PAFAH1B2: variants seen among roughly 807,000 people sequenced by gnomAD.
The protein encoded by PAFAH1B2 is platelet-activating factor acetylhydrolase IB subunit alpha2.
In PAFAH1B2, 8 loss-of-function variants were observed where a neutral mutation model predicts 28.0. The observed-to-expected ratio is 0.29, with a 90% confidence interval of 0.17 to 0.52. The LOEUF is 0.52. PAFAH1B2 is among the 20% of genes least tolerant of loss of function. The probability of loss-of-function intolerance (pLI) is 0.97; values close to 1 mark genes in which losing one functional copy is unlikely to be tolerated. For missense variants in PAFAH1B2, 190 were observed against 282.6 expected, an observed-to-expected ratio of 0.67 and a Z score of 2.35; for synonymous variants, 104 against 103.2, an observed-to-expected ratio of 1.01 and a Z score of -0.05.
At chr11:117,176,082 A>T in exon 6 of PAFAH1B2, 1 of 704,204 alleles carries the variant, frequency 1.4e-6, no homozygotes. Flanking sequence ...TGTGCTGGAA[A>T]CAGTACTGGA....
chr11:117,156,398 T>G (rs1956255740), intron 2 of PAFAH1B2, among the ~76,000 whole-genome samples: 1 of 152,180 alleles, frequency 6.6e-6, no homozygotes, highest in South Asian at 2.1e-4. Flanking sequence ...TGTACTTTCT[T>G]AAGATCACTG....
intron 2 of PAFAH1B2, among the ~76,000 whole-genome samples, 184 bp downstream of exon 2, chr11:117,152,712 C>T (rs1345403802): frequency 6.6e-6 from 1 of 152,184 alleles, no homozygotes; most frequent in Non-Finnish European, 1.5e-5. Flanking sequence ...ATCAGTATGC[C>T]TGGCTTCTTC....
chr11:117,154,918 C>G (rs557619635), intron 2 of PAFAH1B2, among the ~76,000 whole-genome samples: 35 of 152,256 alleles, frequency 2.3e-4, no homozygotes, highest in African/African-American at 8.4e-4. Flanking sequence ...GGTTTATTCT[C>G]TCTGAATGGA....
In PAFAH1B2 at chr11:117,169,541, C is replaced by A. The variant is rs866507992; in HGVS notation, c.*1842C>A. ...GACCGATTTCTGATTGAGGGATGAACCTTGGGCTCATTTTTTTCTTGTGAA... is the reference window on the plus strand; with the variant it reads ...GACCGATTTCTGATTGAGGGATGAAACTTGGGCTCATTTTTTTCTTGTGAA... On this transcript the variant is annotated 3_prime_UTR_variant, in exon 6 of 6. Coordinates refer to ENST00000527958, the MANE Select transcript of PAFAH1B2 (RefSeq NM_002572.4). 2 of 1,055,582 alleles carry A rather than the reference C, an allele frequency of 1.9e-6. No homozygotes were observed. Among genetic ancestry groups the A allele is most frequent in the Non-Finnish European group, 2.3e-6 (2 of 873,308 alleles). The allele number at this position is 1,055,582 out of a possible 1,614,324, so 65.4% of individuals were successfully genotyped here.
chr11:117,168,455 T>TTTTTTTTTTTTTTTTTTG lies in PAFAH1B2; in HGVS notation c.*772_*773insTGTTTTTTTTTTTTTTTT. Reference sequence around the variant, plus strand: ...TTCCCCCCGCCACCCCGTTTTTTTTTTTTTTTTTTTTTTTTTGGTTCTTGT... The same window carrying TTTTTTTTTTTTTTTTTTG: ...TTCCCCCCGCCACCCCGTTTTTTTTTTTTTTTTTTTTTTTTTTGTTTTTTTTTTTTTTTTGGTTCTTGT... On this transcript the variant is annotated 3_prime_UTR_variant, in exon 6 of 6. Coordinates refer to ENST00000527958, the MANE Select transcript of PAFAH1B2 (RefSeq NM_002572.4). The TTTTTTTTTTTTTTTTTTG allele has an allele frequency of 1.1e-6, 1 of 887,470 alleles. No homozygotes were observed. The highest frequency in any genetic ancestry group is 2.2e-5 in the African/African-American group (1 of 46,010). The allele number at this position is 887,470 out of a possible 1,614,324, so 55.0% of individuals were successfully genotyped here.
intron 3 of PAFAH1B2, among the ~76,000 whole-genome samples, chr11:117,160,347 T>A (rs892474803): frequency 6.6e-6 from 1 of 152,240 alleles, no homozygotes; most frequent in Non-Finnish European, 1.5e-5. Context: ...TTGTATTTGC[T>A]AATAACATTT....
In PAFAH1B2 at chr11:117,169,079, C is replaced by G. The variant is rs553900163; in HGVS notation, c.*1380C>G. The G allele has an allele frequency of 2.7e-5, 27 of 1,004,514 alleles. No individual in the cohort carries two copies. In the African/African-American group the frequency reaches 3.6e-4, roughly 13 times the overall value. The allele number at this position is 1,004,514 out of a possible 1,614,324, so 62.2% of individuals were successfully genotyped here. On this transcript the variant is annotated 3_prime_UTR_variant, in exon 6 of 6. Coordinates refer to ENST00000527958, the MANE Select transcript of PAFAH1B2 (RefSeq NM_002572.4). ...GTGCTGGGATTACAGGCATGAGCCA[C>G]CGTGCCTGGCCTTATTGGCTTAGTT...
chr11:117,149,581 C>G (rs1956100614), intron 1 of PAFAH1B2, among the ~76,000 whole-genome samples: 1 of 151,068 alleles, frequency 6.6e-6, no homozygotes, highest in Admixed American at 6.6e-5. Flanking sequence ...TGCCCGCCAC[C>G]ACGCCCAGCT....
At chr11:117,172,416 TTTTTTTTTTTTTTA>T (rs1956692826), downstream of PAFAH1B2, among the ~76,000 whole-genome samples, 3 of 9,126 alleles carry the variant, frequency 3.3e-4, no homozygotes, top group Non-Finnish European at 9.7e-4. Flanking sequence ...TTTTTTTTTT[TTTTTTTTTTTTTTA>T]CATTCTGGTC....
chr11:117,172,375 TATATATATATATATATATATATA>T (rs1956676803), downstream of PAFAH1B2, among the ~76,000 whole-genome samples: 8 of 2,484 alleles, frequency 3.2e-3, 1 homozygote, highest in African/African-American at 7.2e-3. Context: ...TATATATATA[TATATATATATATATATATATATA>T]TATATATTTT....
intron 4 of PAFAH1B2, among the ~76,000 whole-genome samples, chr11:117,161,876 G>A (rs1956379563): frequency 1.3e-5 from 2 of 151,656 alleles, no homozygotes; most frequent in South Asian, 4.2e-4. Flanking sequence ...GGCAGTATGA[G>A]GGAAAACTGC....
chr11:117,170,108 C>G lies in PAFAH1B2; in HGVS notation c.*2409C>G, dbSNP rs1055504579. 1.1e-5 allele frequency: 12 copies of G among 1,055,024 alleles called. No homozygotes were observed. In the African/African-American group the frequency reaches 2.0e-4, roughly 17 times the overall value. The allele number at this position is 1,055,024 out of a possible 1,614,324, so 65.4% of individuals were successfully genotyped here. ...TTCACTTTCATTTTTTGCCAGATTT[C>G]TTTGCACTACTTTAGGTAAAAATAG... On this transcript the variant is annotated 3_prime_UTR_variant, in exon 6 of 6. Coordinates refer to ENST00000527958, the MANE Select transcript of PAFAH1B2 (RefSeq NM_002572.4).
intron 1 of PAFAH1B2, among the ~76,000 whole-genome samples, chr11:117,149,665 C>T (rs1956102960): frequency 1.3e-5 from 2 of 151,202 alleles, no homozygotes; most frequent in African/African-American, 4.9e-5. Context: ...ATCTCCTGAC[C>T]TCGTGATCTG....
At chr11:117,156,501 T>C (rs1420523217) in intron 2 of PAFAH1B2, among the ~76,000 whole-genome samples, 17 of 152,130 alleles carry the variant, frequency 1.1e-4, no homozygotes, top group Admixed American at 9.8e-4. Flanking sequence ...GCTTAAACTA[T>C]GTAAAAGGGG....
chr11:117,145,258 G>GCTTCT (rs1423848818), intron 1 of PAFAH1B2, among the ~76,000 whole-genome samples: 1 of 152,068 alleles, frequency 6.6e-6, no homozygotes, highest in African/African-American at 2.4e-5. Flanking sequence ...CCCGTTGCGT[G>GCTTCT]GTGACTCATG....
chr11:117,147,541 G>A (rs1463038885), intron 1 of PAFAH1B2, among the ~76,000 whole-genome samples: 1 of 152,156 alleles, frequency 6.6e-6, no homozygotes, highest in Non-Finnish European at 1.5e-5. Context: ...TCCTCTATAT[G>A]CATAGTCTTC....
intron 3 of PAFAH1B2, 74 bp from the exon 4 acceptor site, chr11:117,161,071 G>T (rs1290209345): frequency 2.2e-6 from 2 of 900,912 alleles, no homozygotes. Flanking sequence ...TTAATGCCTT[G>T]CAACACATTG....
intron 1 of PAFAH1B2, among the ~76,000 whole-genome samples, chr11:117,150,295 T>A (rs1421998028): frequency 1.3e-5 from 2 of 152,080 alleles, no homozygotes; most frequent in Non-Finnish European, 2.9e-5. Flanking sequence ...CTTACAGGCG[T>A]GTTCCACCAT....
chr11:117,147,885 C>G (rs1956050547), intron 1 of PAFAH1B2, among the ~76,000 whole-genome samples: 1 of 152,036 alleles, frequency 6.6e-6, no homozygotes, highest in Non-Finnish European at 1.5e-5. Context: ...CATTTTGTTC[C>G]TCGGTTTCTC....
Sources: allele counts gnomAD v4.1 joint callset (sites outside exome capture counted in the v4.1 genomes callset), GRCh38; gene constraint gnomAD v4.1.1; transcripts MANE v1.5; gene names NCBI Gene and HGNC (gene_info 2026-07-23, HGNC 2026-07-21).